The following BTBD7 variants were observed in gnomAD, a reference collection of about 807,000 sequenced individuals.
BTBD7 encodes the protein BTB domain containing 7.
Under a neutral mutation model 99.9 loss-of-function variants are expected in BTBD7, and 38 were observed. The observed-to-expected ratio is 0.38, with a 90% CI of 0.29 to 0.50. BTBD7 has a LOEUF of 0.50. Ranked by LOEUF, BTBD7 falls within the 20% of genes least tolerant of loss-of-function variation. The pLI is 0.93. For synonymous variants in BTBD7, 520 were observed against 511.4 expected (o/e 1.02, Z -0.23); for missense variants, 1,170 against 1,394.6 (o/e 0.84, Z 2.57).
At chr14:93,253,298 G>C (rs2052389134) in intron 7 of BTBD7, among the ~76,000 whole-genome samples, 1 of 152,096 alleles carries the variant, frequency 6.6e-6, no homozygotes, top group Non-Finnish European at 1.5e-5. Context: ...TAAAAAAGTG[G>C]GCAATCTTCT....
At chr14:93,251,969 G>A (rs1208828268) in intron 7 of BTBD7, among the ~76,000 whole-genome samples, 2 of 152,126 alleles carry the variant, frequency 1.3e-5, no homozygotes, top group Non-Finnish European at 2.9e-5. Flanking sequence ...GTATACATGT[G>A]CTAAATAACA....
intron 1 of BTBD7, among the ~76,000 whole-genome samples, chr14:93,316,089 T>C (rs1378586315): frequency 6.6e-6 from 1 of 151,640 alleles, no homozygotes; most frequent in Non-Finnish European, 1.5e-5. Context: ...GTAGCTGGGA[T>C]TACAGGCATC....
At chr14:93,286,497 T>C (rs951824223) in intron 3 of BTBD7, among the ~76,000 whole-genome samples, 2 of 152,232 alleles carry the variant, frequency 1.3e-5, no homozygotes, top group South Asian at 4.1e-4. Flanking sequence ...TCGGGGGTAA[T>C]GATTTGTTGT....
chr14:93,327,904 T>G (rs544995753), intron 1 of BTBD7, among the ~76,000 whole-genome samples: 1 of 152,246 alleles, frequency 6.6e-6, no homozygotes, highest in East Asian at 1.9e-4. Flanking sequence ...AAAAAAACTA[T>G]TAGAACTAAT....
At position 93,294,280 on chromosome 14, in the gene BTBD7, T is replaced by G. The variant is rs768690816; in HGVS notation, c.740A>C (p.Tyr247Ser). ...TGAAGAAAAACTAAGGACGACATCATAATAACACATGTAATCAAAGAGTCC... is the reference window on the plus strand; with the variant it reads ...TGAAGAAAAACTAAGGACGACATCAGAATAACACATGTAATCAAAGAGTCC... ...MRGLFDYMCY[Y>S]DVVLSFSSDS... Residue 247 changes from tyrosine (Y) to serine (S), a missense_variant, in exon 3 of 11, where the codon TAT (tyrosine) becomes TCT (serine). Around this residue, in one of 4 missense-constraint regions of BTBD7, gnomAD observed 359 missense variants for 497.9 expected, o/e 0.72. Transcript: ENST00000334746. The G allele has an allele frequency of 1.1e-5, 17 of 1,614,116 alleles. No individual in the cohort carries two copies. Among genetic ancestry groups the G allele is most frequent in the Non-Finnish European group, 1.3e-5 (15 of 1,180,004 alleles).
intron 8 of BTBD7, 122 bp downstream of exon 8, chr14:93,251,341 A>T (rs559166487): frequency 1.9e-5 from 21 of 1,078,826 alleles, no homozygotes; most frequent in Non-Finnish European, 2.7e-5. Flanking sequence ...TAAGGAGAAC[A>T]AGGCATAAAA....
At chr14:93,281,096 G>C (rs1384410480) in intron 3 of BTBD7, among the ~76,000 whole-genome samples, 1 of 151,876 alleles carries the variant, frequency 6.6e-6, no homozygotes, top group Non-Finnish European at 1.5e-5. Context: ...TGCGCTTCTT[G>C]GGCTCTTGAT....
intron 1 of BTBD7, among the ~76,000 whole-genome samples, chr14:93,321,065 C>T (rs188470431): frequency 6.6e-6 from 1 of 152,238 alleles, no homozygotes; most frequent in East Asian, 1.9e-4. Context: ...AAAAAATGAG[C>T]TTGTAACCAT....
At position 93,240,715 on chromosome 14, in the gene BTBD7, A is replaced by G. The variant is rs2052215824; in HGVS notation, c.*1558T>C. 1 of 152,592 alleles carries G rather than the reference A, an allele frequency of 6.6e-6. No homozygotes were observed. The highest frequency in any genetic ancestry group is 2.4e-5 in the African/African-American group (1 of 41,442). 9.5% of individuals were successfully genotyped at this position (152,592 alleles called of 1,614,324 possible). ...GTGATTTAAAAACTCAAATACTCAT[A>G]TATTTACATTGGAGAGTAAGAAAAA... On this transcript the variant is annotated 3_prime_UTR_variant, in exon 11 of 11. Transcript: ENST00000334746.
At chr14:93,318,954 C>T (rs1158125489) in intron 1 of BTBD7, among the ~76,000 whole-genome samples, 2 of 152,212 alleles carry the variant, frequency 1.3e-5, no homozygotes, top group Admixed American at 6.5e-5. Flanking sequence ...CGGGGGCTCA[C>T]GCCTGTAAAC....
In BTBD7 at chr14:93,295,066, T is replaced by C. The variant is rs547918884; in HGVS notation, c.83-129A>G. 4.6e-4 allele frequency: 420 copies of C among 917,556 alleles called. 2 individuals are homozygous for C. Among genetic ancestry groups the C allele is most frequent in the Non-Finnish European group, 6.1e-4 (395 of 645,256 alleles). The allele number at this position is 917,556 out of a possible 1,614,324, so 56.8% of individuals were successfully genotyped here. On this transcript the variant is annotated intron_variant, in intron 2 of 10. Coordinates refer to ENST00000334746, the MANE Select transcript of BTBD7 (RefSeq NM_001002860.4). ...ACCACTCAAAATTGCATTTGTTTTT[T>C]ATAAAGGAAGACAAAAAGTTCAATT...
rs145529293 is a variant in BTBD7, at chr14:93,315,389, G to A, written c.-107+17431C>T. On this transcript the variant is annotated intron_variant, in intron 1 of 10. Coordinates refer to ENST00000334746, the MANE Select transcript of BTBD7 (RefSeq NM_001002860.4). ...TGGATAAATTTTCCAAATAACTGGA[G>A]GATGCTTTTGTTAGCCATTGAGGTG... Among the ~76,000 whole-genome samples the A allele has an allele frequency of 4.6e-3, 700 of 152,272 alleles. 12 individuals are homozygous for A. The Middle Eastern group carries it at 0.051, about 11-fold the overall frequency.
intron 6 of BTBD7, chr14:93,256,887 C>T (rs1365709308): frequency 1.5e-5 from 4 of 263,616 alleles, no homozygotes; most frequent in Non-Finnish European, 2.8e-5. Context: ...GTAATTTCTA[C>T]CTTTCCCTTT....
intron 1 of BTBD7, among the ~76,000 whole-genome samples, chr14:93,324,262 C>T (rs775231821): frequency 3.9e-5 from 6 of 151,930 alleles, no homozygotes; most frequent in Non-Finnish European, 8.8e-5. Flanking sequence ...TACAGGGAGA[C>T]CCTGCCTCTA....
intron 1 of BTBD7, among the ~76,000 whole-genome samples, chr14:93,305,577 G>A (rs2053060438): frequency 6.6e-6 from 1 of 152,188 alleles, no homozygotes; most frequent in Non-Finnish European, 1.5e-5. Flanking sequence ...CCCATTGCTT[G>A]TTCTGTGCTA....
chr14:93,293,748 A>T (rs1037515060), intron 3 of BTBD7, 110 bp downstream of exon 3: 1 of 1,381,602 alleles, frequency 7.2e-7, no homozygotes, highest in Admixed American at 2.7e-5. Flanking sequence ...AAAAAAACTG[A>T]CCCTGTAACA....
intron 10 of BTBD7, 79 bp downstream of exon 10, chr14:93,245,745 TG>T: frequency 1.3e-6 from 2 of 1,541,072 alleles, no homozygotes; most frequent in South Asian, 2.5e-5. Context: ...TGAGTCCCAG[TG>T]GGGCTCTTGG....
intron 1 of BTBD7, among the ~76,000 whole-genome samples, chr14:93,299,776 C>A (rs2052971082): frequency 6.6e-6 from 1 of 152,124 alleles, no homozygotes; most frequent in African/African-American, 2.4e-5. Flanking sequence ...TTACCCCAGC[C>A]CCAAAAAGAA....
At position 93,263,872 on chromosome 14, in the gene BTBD7, C is replaced by T; in HGVS notation, c.1284G>A (p.Glu428=). 1 of 1,614,126 alleles carries T rather than the reference C, an allele frequency of 6.2e-7. No homozygotes were observed. The highest frequency in any genetic ancestry group is 1.3e-5 in the African/African-American group (1 of 75,026). Residue 428 remains glutamate (E), a synonymous_variant, in exon 4 of 11, where the codon GAG becomes GAA. Transcript: ENST00000334746. ...VHRQALHFLC[E]EFSQVMTSDV... ...CCGAAGTCATGACCTGGGAAAATTC[C>T]TCACAGAGGAAATGTAAAGCTTGTC...
Sources: allele counts gnomAD v4.1 joint callset (sites outside exome capture counted in the v4.1 genomes callset), GRCh38; gene constraint gnomAD v4.1.1; regional missense constraint gnomAD v4.1.1; transcripts MANE v1.5; gene names NCBI Gene and HGNC (gene_info 2026-07-23, HGNC 2026-07-21).